ADPRHL1: variants seen among roughly 807,000 people sequenced by gnomAD.
ADPRHL1 encodes the protein ADP-ribosylhydrolase like 1, also known as inactive ADP-ribosyltransferase ARH2.
ADPRHL1 carries 43 observed loss-of-function variants against 44.1 expected under a neutral mutation model. That is an observed-to-expected ratio of 0.98 (90% CI 0.76 to 1.26). ADPRHL1 has a LOEUF of 1.26. Among genes scored for constraint, ADPRHL1 ranks in the 50% most tolerant of loss-of-function variants. ADPRHL1 has a pLI of 0.00. For missense variants in ADPRHL1, 2,022 were observed against 2,496.9 expected (o/e 0.81, Z 4.05); for synonymous variants, 878 against 1,017.4 (o/e 0.86, Z 2.61).
chr13:113,443,910 T>A (rs1400512554), intron 2 of ADPRHL1, among the ~76,000 whole-genome samples: 1 of 147,744 alleles, frequency 6.8e-6, no homozygotes, highest in African/African-American at 2.5e-5. Context: ...ACCACTGCAC[T>A]CCAGCCTAGA....
At chr13:113,437,365 C>A (rs969246788) in intron 2 of ADPRHL1, among the ~76,000 whole-genome samples, 1 of 149,210 alleles carries the variant, frequency 6.7e-6, no homozygotes, top group African/African-American at 2.5e-5. Context: ...ACCCCAGGAC[C>A]CAGCACCCAG....
intron 2 of ADPRHL1, among the ~76,000 whole-genome samples, chr13:113,440,864 A>T (rs1473381443): frequency 6.6e-6 from 1 of 152,096 alleles, no homozygotes; most frequent in Non-Finnish European, 1.5e-5. Context: ...TTTTTAGTGT[A>T]TTCCTTGGCT....
At chr13:113,415,066 C>T (rs906293536) in intron 7 of ADPRHL1, among the ~76,000 whole-genome samples, 7 of 152,144 alleles carry the variant, frequency 4.6e-5, no homozygotes, top group South Asian at 2.1e-4. Context: ...AGGTAGCCAG[C>T]GCCCAGCAAC....
intron 1 of ADPRHL1, among the ~76,000 whole-genome samples, chr13:113,445,554 C>T (rs1365210986): frequency 6.6e-6 from 1 of 152,222 alleles, no homozygotes; most frequent in Non-Finnish European, 1.5e-5. Context: ...GCGGGTCAGC[C>T]CCGGGAGACG....
At chr13:113,417,069 G>T (rs942017566) in intron 7 of ADPRHL1, among the ~76,000 whole-genome samples, 1 of 152,230 alleles carries the variant, frequency 6.6e-6, no homozygotes, top group South Asian at 2.1e-4. Context: ...GCAAAGCTGC[G>T]TCATGACAGG....
At position 113,406,990 on chromosome 13, in the gene ADPRHL1, C is replaced by T. The variant is rs1054561679; in HGVS notation, c.2292G>A (p.Thr764=). ...ACTCGCCTGGGGGCCCAGGAGGCCACGTGAGCCTGGCTCCCCTCACCTCCT... is the reference window on the plus strand; with the variant it reads ...ACTCGCCTGGGGGCCCAGGAGGCCATGTGAGCCTGGCTCCCCTCACCTCCT... ...GVQEVRGARL[T]WPPGPPGECA... is the part of the protein sequence containing the mutation. The change falls in exon 8 of 8, where the codon ACG becomes ACA. Residue 764 remains threonine, a synonymous_variant. Coordinates refer to ENST00000612156, the MANE Select transcript of ADPRHL1 (RefSeq NM_001394807.1). 32 of 1,232,146 alleles carry T rather than the reference C, an allele frequency of 2.6e-5. No individual in the cohort carries two copies. The East Asian group carries it at 8.8e-4, about 34-fold the overall frequency. 76.3% of individuals were successfully genotyped at this position (1,232,146 alleles called of 1,614,324 possible). A position where few individuals can be genotyped will look rare whatever the true frequency, so the allele number is the denominator to read the frequency against.
chr13:113,411,305 T>C (rs2043850867), intron 7 of ADPRHL1, among the ~76,000 whole-genome samples: 1 of 152,110 alleles, frequency 6.6e-6, no homozygotes, highest in African/African-American at 2.4e-5. Context: ...GGTGGGCAGC[T>C]TGGTGACGGG....
intron 5 of ADPRHL1, among the ~76,000 whole-genome samples, chr13:113,424,705 CATTTA>C: frequency 2.2e-5 from 1 of 46,440 alleles, no homozygotes; most frequent in Admixed American, 2.6e-4. Flanking sequence ...TCCATTCATC[CATTTA>C]CCCACACATT....
At chr13:113,452,632 C>T (rs1482966398) in intron 1 of ADPRHL1, among the ~76,000 whole-genome samples, 3 of 152,180 alleles carry the variant, frequency 2.0e-5, no homozygotes, top group Non-Finnish European at 2.9e-5. Flanking sequence ...TCTCCAATCT[C>T]GTCCAATCAA....
chr13:113,439,923 G>A (rs376008020), intron 2 of ADPRHL1, among the ~76,000 whole-genome samples: 10 of 152,248 alleles, frequency 6.6e-5, no homozygotes, highest in African/African-American at 2.2e-4. Flanking sequence ...CGTAGACTCT[G>A]GTGATTTTAC....
chr13:113,416,880 A>G (rs2043889747), intron 7 of ADPRHL1, among the ~76,000 whole-genome samples: 1 of 152,302 alleles, frequency 6.6e-6, no homozygotes, highest in Admixed American at 6.5e-5. Flanking sequence ...TTCAGAAACA[A>G]TTGTGTGTGC....
chr13:113,444,486 G>C lies in ADPRHL1; in HGVS notation c.318C>G (p.Gly106=). The change falls in exon 2 of 8, where the codon GGC becomes GGG. Residue 106 remains glycine, a synonymous_variant. Coordinates refer to ENST00000612156, the MANE Select transcript of ADPRHL1 (RefSeq NM_001394807.1). ...ERRPDPATIE[G]CAQLKPNNYL... ...AGTTATTGGGCTTTAGCTGAGCACA[G>C]CCTTCAATGGTAGCTGGGTCTGGCC... The C allele has an allele frequency of 6.2e-7, 1 of 1,614,220 alleles. No individual in the cohort carries two copies. Among genetic ancestry groups the C allele is most frequent in the Non-Finnish European group, 8.5e-7 (1 of 1,180,038 alleles).
At chr13:113,420,744 A>G (rs1354968435) in intron 7 of ADPRHL1, among the ~76,000 whole-genome samples, 2 of 152,010 alleles carry the variant, frequency 1.3e-5, no homozygotes, top group African/African-American at 4.8e-5. Context: ...GCAGCATAGA[A>G]GGCCACGGAT....
At chr13:113,451,897 C>T (rs1033170473) in intron 1 of ADPRHL1, among the ~76,000 whole-genome samples, 2 of 152,218 alleles carry the variant, frequency 1.3e-5, no homozygotes, top group Non-Finnish European at 2.9e-5. Flanking sequence ...TCCGTCGGTG[C>T]ACTTTTGGAG....
At chr13:113,433,935 T>C in intron 2 of ADPRHL1, 68 bp from the exon 3 acceptor site, 1 of 1,456,558 alleles carries the variant, frequency 6.9e-7, no homozygotes, top group Non-Finnish European at 9.1e-7. Flanking sequence ...AATCTAGCTT[T>C]CATGAATAAT....
At chr13:113,408,618 A>G (rs1236467015) in intron 7 of ADPRHL1, among the ~76,000 whole-genome samples, 1 of 152,230 alleles carries the variant, frequency 6.6e-6, no homozygotes, top group Non-Finnish European at 1.5e-5. Flanking sequence ...AGAAGTGTCT[A>G]TTCTCTGTGT....
At position 113,441,962 on chromosome 13, in the gene ADPRHL1, C is replaced by T. The variant is rs543911341; in HGVS notation, c.379+2463G>A. ...GTCTCTGTCACGTTGTGTCCCGCCACGCGGCGTCCGCGTCTCTATCACGCT... is the reference window on the plus strand; with the variant it reads ...GTCTCTGTCACGTTGTGTCCCGCCATGCGGCGTCCGCGTCTCTATCACGCT... On this transcript the variant is annotated intron_variant, in intron 2 of 7. Transcript: ENST00000612156. This position sits in a 1 kb window ranked among gnomAD's most constrained non-coding sequence, Gnocchi z 6.0. Among the ~76,000 whole-genome samples the T allele has an allele frequency of 2.9e-4, 44 of 152,362 alleles. No individual in the cohort carries two copies. The highest frequency in any genetic ancestry group is 3.6e-4 in the African/African-American group (15 of 41,590).
intron 1 of ADPRHL1, among the ~76,000 whole-genome samples, chr13:113,449,561 A>C (rs1262785763): frequency 2.1e-5 from 3 of 141,896 alleles, no homozygotes; most frequent in Non-Finnish European, 4.7e-5. Context: ...TCAGAGAGAC[A>C]CACCCGGAAG....
chr13:113,405,157 C>T lies in ADPRHL1; in HGVS notation c.4125G>A (p.Ala1375=), dbSNP rs372653439. The stretch of plus-strand genomic sequence containing the variant: ...GGTGACTCTGTTGCCTCCCCAGGTC[C>T]GCCTGTGTCAGGGGACGCTCCTGGG... ...GESQERPLTQ[A]DLGRQQSHQA... Residue 1375 remains alanine, a synonymous_variant, in exon 8 of 8, where the codon GCG becomes GCA. Transcript: ENST00000612156. The T allele has an allele frequency of 3.5e-5, 43 of 1,231,842 alleles. No homozygotes were observed. Among genetic ancestry groups the T allele is most frequent in the Admixed American group, 4.2e-5 (1 of 23,710 alleles). 76.3% of individuals were successfully genotyped at this position (1,231,842 alleles called of 1,614,324 possible).
Sources: gnomAD v4.1 joint callset for allele counts (sites outside exome capture counted in the v4.1 genomes callset) on GRCh38, gnomAD v4.1.1 for gene constraint, Gnocchi (gnomAD v3.1) non-coding constraint, MANE v1.5 for transcripts, NCBI Gene and HGNC (gene_info 2026-07-23, HGNC 2026-07-21) for gene names.